Variants in LRP4 observed in about 807,000 individuals in gnomAD.
The protein encoded by LRP4 is low-density lipoprotein receptor-related protein 4.
LRP4 carries 95 observed loss-of-function variants against 220.3 expected under a neutral mutation model. That is an observed-to-expected ratio of 0.43 (90% CI 0.37 to 0.51). The LOEUF is 0.51. LRP4 is among the 20% of genes least tolerant of loss of function. LRP4 has a pLI of 0.00. For missense variants in LRP4, 1,925 were observed against 2,567.0 expected, an observed-to-expected ratio of 0.75 and a Z score of 5.40; for synonymous variants, 903 against 954.6, an observed-to-expected ratio of 0.95 and a Z score of 1.00.
intron 12 of LRP4, 85 bp from the exon 13 acceptor site, chr11:46,893,214 A>C: frequency 6.6e-7 from 1 of 1,524,720 alleles, no homozygotes; most frequent in South Asian, 1.1e-5. Flanking sequence ...TCTTACAGGA[A>C]GCAATTTTTT....
At chr11:46,911,744 T>A (rs1941862458) in intron 1 of LRP4, among the ~76,000 whole-genome samples, 1 of 151,798 alleles carries the variant, frequency 6.6e-6, no homozygotes, top group Admixed American at 6.6e-5. Context: ...CCAACCTAGA[T>A]CTTCTGGGAT....
chr11:46,861,209 AT>A (rs1047469599), intron 37 of LRP4, among the ~76,000 whole-genome samples: 53 of 152,284 alleles, frequency 3.5e-4, no homozygotes, highest in African/African-American at 1.3e-3. Flanking sequence ...CTTTTAAAAA[AT>A]TTTTAATTTC....
chr11:46,879,528 G>T (rs1466246508), intron 20 of LRP4, among the ~76,000 whole-genome samples: 1 of 152,168 alleles, frequency 6.6e-6, no homozygotes, highest in Non-Finnish European at 1.5e-5. Context: ...TGGTTTTATT[G>T]GAAGATGTTG....
intron 1 of LRP4, among the ~76,000 whole-genome samples, chr11:46,912,933 C>T (rs1941887841): frequency 6.6e-6 from 1 of 152,206 alleles, no homozygotes; most frequent in Middle Eastern, 3.4e-3. Context: ...AGGTTTGCTC[C>T]CAGTCTTTTG....
chr11:46,916,054 T>C (rs558480438), intron 1 of LRP4, among the ~76,000 whole-genome samples: 4 of 152,168 alleles, frequency 2.6e-5, no homozygotes, highest in African/African-American at 9.7e-5. Flanking sequence ...GGCCAGGTGA[T>C]GTGTATACCT....
rs772776709 is a variant in LRP4, at chr11:46,886,080, C to T, written c.2506+11G>A. On this transcript the variant is annotated intron_variant, in intron 18 of 37. Coordinates refer to ENST00000378623, the MANE Select transcript of LRP4 (RefSeq NM_002334.4). ...AGGGAGCCAGGCAGGCCACGGCTCC[C>T]CTATGCATACCTGCATCTGTCCAGT... The T allele has an allele frequency of 1.2e-6, 2 of 1,612,820 alleles. No individual in the cohort carries two copies.
At chr11:46,869,904 G>A (rs1940814389) in intron 31 of LRP4, among the ~76,000 whole-genome samples, 1 of 152,056 alleles carries the variant, frequency 6.6e-6, no homozygotes, top group Non-Finnish European at 1.5e-5. Context: ...TCAGGAGTTC[G>A]AAACCAGCCT....
chr11:46,910,232 AC>A (rs1408978718), intron 1 of LRP4, among the ~76,000 whole-genome samples: 3 of 152,226 alleles, frequency 2.0e-5, no homozygotes, highest in Non-Finnish European at 4.4e-5. Context: ...GCACGGAGGA[AC>A]AAAACTCCCC....
intron 18 of LRP4, among the ~76,000 whole-genome samples, chr11:46,884,524 T>C (rs1592531217): frequency 1.3e-5 from 2 of 151,728 alleles, no homozygotes; most frequent in African/African-American, 4.8e-5. Context: ...ATCACGAGAT[T>C]AGGAGATCGA....
chr11:46,916,433 C>T (rs574285985), intron 1 of LRP4, among the ~76,000 whole-genome samples: 1 of 152,124 alleles, frequency 6.6e-6, no homozygotes, highest in South Asian at 2.1e-4. Context: ...GAGTGAGACA[C>T]CCTCTCCAAG....
chr11:46,877,421 C>T (rs1941048944), intron 22 of LRP4, 82 bp from the exon 23 acceptor site: 2 of 1,393,286 alleles, frequency 1.4e-6, no homozygotes, highest in Non-Finnish European at 1.0e-6. Flanking sequence ...GAAACTCATG[C>T]CCTGTCCCTG....
intron 22 of LRP4, 141 bp downstream of exon 22, chr11:46,878,766 C>T (rs578103282): frequency 2.4e-5 from 31 of 1,268,988 alleles, no homozygotes; most frequent in Middle Eastern, 2.6e-4. Flanking sequence ...TTCTAAAAGC[C>T]GTGAGTCTCT....
At chr11:46,910,556 C>T (rs1355560395) in intron 1 of LRP4, among the ~76,000 whole-genome samples, 1 of 152,182 alleles carries the variant, frequency 6.6e-6, no homozygotes, top group Non-Finnish European at 1.5e-5. Context: ...GAAAACCCTA[C>T]TGTGTACCAG....
chr11:46,898,831 C>T lies in LRP4; in HGVS notation c.676+73G>A, dbSNP rs372543295. The T allele has an allele frequency of 8.8e-5, 142 of 1,609,316 alleles. 1 individual carries two copies. The highest frequency in any genetic ancestry group is 1.6e-4 in the Middle Eastern group (1 of 6,074). On this transcript the variant is annotated intron_variant, in intron 6 of 37. Coordinates refer to ENST00000378623, the MANE Select transcript of LRP4 (RefSeq NM_002334.4). ...CTCTCTGAACTCCTGCCCCAGCTGGCGACTGTGCCTTGCCACCCAAGCAGT... is the reference window on the plus strand; with the variant it reads ...CTCTCTGAACTCCTGCCCCAGCTGGTGACTGTGCCTTGCCACCCAAGCAGT...
chr11:46,879,321 A>C lies in LRP4; in HGVS notation c.2815-6T>G, dbSNP rs372210790. 73 of 1,613,918 alleles carry C rather than the reference A, an allele frequency of 4.5e-5. No individual in the cohort carries two copies. The African/African-American group carries it at 9.7e-4, about 22-fold the overall frequency. ...AGCTGGCTTCCAATCAGCACCTGCC[A>C]GGGCCCCAACACTGTGTCATCTTCA... On this transcript the variant is annotated splice_region_variant and splice_polypyrimidine_tract_variant and intron_variant, in intron 20 of 37. Coordinates refer to ENST00000378623, the MANE Select transcript of LRP4 (RefSeq NM_002334.4).
In LRP4 at chr11:46,899,400, A is replaced by G. The variant is rs765950285; in HGVS notation, c.534T>C (p.Asp178=). 6.2e-7 allele frequency: 1 copy of G among 1,613,820 alleles called. No individual in the cohort carries two copies. Among genetic ancestry groups the G allele is most frequent in the Non-Finnish European group, 8.5e-7 (1 of 1,179,738 alleles). ...GGGGCCACTCACGACAGTTCTCCTC[A>G]TCGGAGCCATCTTTGCAGTCGGTGT... is the stretch of plus-strand genomic sequence containing the variant. ...DGDTDCKDGS[D]EENCPSAVPA... is the part of the protein sequence containing the mutation. The change falls in exon 5 of 38, where the codon GAT becomes GAC. Residue 178 remains aspartate, a synonymous_variant. Transcript: ENST00000378623. This position sits in a 1 kb window ranked among gnomAD's most constrained non-coding sequence, Gnocchi z 5.9.
intron 37 of LRP4, among the ~76,000 whole-genome samples, chr11:46,860,284 T>A (rs1333091381): frequency 6.6e-6 from 1 of 151,668 alleles, no homozygotes; most frequent in Admixed American, 6.6e-5. Context: ...AAAGGAAATC[T>A]TCTTATCTGG....
intron 15 of LRP4, 164 bp downstream of exon 15, chr11:46,889,780 G>A: frequency 1.2e-6 from 1 of 867,808 alleles, no homozygotes. Flanking sequence ...TTGTTGTACT[G>A]CCCCGAATGT....
chr11:46,885,188 G>A (rs894789790), intron 18 of LRP4, among the ~76,000 whole-genome samples: 10 of 152,128 alleles, frequency 6.6e-5, no homozygotes, highest in Non-Finnish European at 1.3e-4. Context: ...GTATGCGTGT[G>A]GGGGTCTTGC....
Sources: gnomAD v4.1 joint callset for allele counts (sites outside exome capture counted in the v4.1 genomes callset) on GRCh38, gnomAD v4.1.1 for gene constraint, Gnocchi (gnomAD v3.1) non-coding constraint, MANE v1.5 for transcripts, NCBI Gene and HGNC (gene_info 2026-07-23, HGNC 2026-07-21) for gene names.